The following ZNF804B variants were observed in gnomAD, a reference collection of about 807,000 sequenced individuals.
ZNF804B encodes zinc finger 804B.
In ZNF804B, 80 loss-of-function variants were observed where a neutral mutation model predicts 101.4. That is an observed-to-expected ratio of 0.79 (90% confidence interval 0.66 to 0.95). The LOEUF is 0.95. Among genes scored for constraint, ZNF804B ranks in the 40% least tolerant of loss-of-function variants. ZNF804B has a pLI of 0.00. For missense variants in ZNF804B, 1,673 were observed against 1,561.9 expected, an observed-to-expected ratio of 1.07 and a Z score of -1.20; for synonymous variants, 622 against 558.8, an observed-to-expected ratio of 1.11 and a Z score of -1.59.
chr7:89,141,204 T>C (rs1442934933), intron 1 of ZNF804B, among the ~76,000 whole-genome samples: 1 of 152,000 alleles, frequency 6.6e-6, no homozygotes, highest in African/African-American at 2.4e-5. Context: ...AGATCACTGA[T>C]TAAAGATCAC....
intron 1 of ZNF804B, among the ~76,000 whole-genome samples, chr7:89,044,219 C>T (rs923769499): frequency 2.2e-4 from 33 of 152,150 alleles, no homozygotes; most frequent in Non-Finnish European, 4.0e-4. Flanking sequence ...CTTTGCTCAA[C>T]ACTTCTTCCT....
chr7:89,121,617 G>T (rs1790407198), intron 1 of ZNF804B, among the ~76,000 whole-genome samples: 2 of 152,216 alleles, frequency 1.3e-5, no homozygotes, highest in South Asian at 4.1e-4. Context: ...AGTTATCATA[G>T]TAATGGATTA....
chr7:88,763,866 G>C (rs543684571), intron 1 of ZNF804B, among the ~76,000 whole-genome samples: 3 of 152,036 alleles, frequency 2.0e-5, no homozygotes, highest in Non-Finnish European at 4.4e-5. Context: ...TATATTAATG[G>C]TAAAACTTTG....
rs1791090281 is a variant in ZNF804B at position 89,336,351 on chromosome 7, G to A, written c.3369G>A (p.Gln1123=). 1 of 1,613,888 alleles carries A rather than the reference G, an allele frequency of 6.2e-7. No individual in the cohort carries two copies. The highest frequency in any genetic ancestry group is 1.1e-5 in the South Asian group (1 of 91,082). Residue 1123 remains glutamine (Q), a synonymous_variant, in exon 4 of 4, where the codon CAG becomes CAA. Coordinates refer to ENST00000333190, the MANE Select transcript of ZNF804B (RefSeq NM_181646.5). The part of the protein sequence containing the change: ...NINSYYDRTM[Q]KPDKVEDGLE... ...ACTCTTACTATGACAGAACTATGCAGAAACCTGACAAAGTCGAAGACGGAT... is the reference window on the plus strand; with the variant it reads ...ACTCTTACTATGACAGAACTATGCAAAAACCTGACAAAGTCGAAGACGGAT...
intron 1 of ZNF804B, among the ~76,000 whole-genome samples, chr7:89,016,936 G>A (rs6465176): frequency 0.84 from 128,038 of 152,188 alleles, 54,291 homozygotes; most frequent in African/African-American, 0.95. Context: ...CATTATGGCC[G>A]TTTTCACGAT....
intron 1 of ZNF804B, among the ~76,000 whole-genome samples, chr7:88,840,651 C>G (rs556587085): frequency 2.0e-5 from 3 of 151,900 alleles, no homozygotes; most frequent in African/African-American, 7.3e-5. Flanking sequence ...TTAACTTTTC[C>G]GGGATAGTTT....
intron 2 of ZNF804B, among the ~76,000 whole-genome samples, chr7:89,224,862 A>G (rs1789062171): frequency 1.3e-5 from 2 of 151,870 alleles, no homozygotes; most frequent in African/African-American, 2.4e-5. Context: ...TCCTGCTCCT[A>G]TTTAACTCTC....
At chr7:89,329,183 C>G (rs1790940580) in intron 3 of ZNF804B, among the ~76,000 whole-genome samples, 1 of 151,718 alleles carries the variant, frequency 6.6e-6, no homozygotes, top group Admixed American at 6.6e-5. Flanking sequence ...GGCAAACTCT[C>G]TAGGTCACAA....
intron 1 of ZNF804B, among the ~76,000 whole-genome samples, chr7:89,007,585 T>G (rs1408042927): frequency 8.1e-6 from 1 of 122,760 alleles, no homozygotes; most frequent in Admixed American, 8.9e-5. Context: ...ATAATATATA[T>G]TTATATATTA....
intron 1 of ZNF804B, among the ~76,000 whole-genome samples, chr7:88,909,791 T>C (rs1584011154): frequency 6.6e-6 from 1 of 151,798 alleles, no homozygotes; most frequent in East Asian, 1.9e-4. Context: ...TCCTTAGCAA[T>C]CAGTTTGTCT....
intron 1 of ZNF804B, among the ~76,000 whole-genome samples, chr7:88,854,279 G>A (rs1019793423): frequency 3.3e-5 from 5 of 151,980 alleles, no homozygotes; most frequent in Non-Finnish European, 7.4e-5. Context: ...TTAAGTCATC[G>A]TTTGGCTAAT....
chr7:88,829,259 T>A (rs950960482), intron 1 of ZNF804B, among the ~76,000 whole-genome samples: 6 of 152,032 alleles, frequency 3.9e-5, no homozygotes, highest in African/African-American at 1.4e-4. Context: ...CCTGAACATT[T>A]TTAATTTTTT....
intron 2 of ZNF804B, among the ~76,000 whole-genome samples, chr7:89,314,491 G>A (rs1790691370): frequency 6.6e-6 from 1 of 152,094 alleles, no homozygotes; most frequent in Non-Finnish European, 1.5e-5. Flanking sequence ...AGCATTCTTT[G>A]CACATCCTGC....
At chr7:89,151,214 C>T (rs556897051) in intron 1 of ZNF804B, among the ~76,000 whole-genome samples, 14 of 152,042 alleles carry the variant, frequency 9.2e-5, no homozygotes, top group Admixed American at 3.3e-4. Context: ...GACTCCTCTT[C>T]TAGCAATTTA....
At chr7:89,007,144 A>C (rs1389468899) in intron 1 of ZNF804B, among the ~76,000 whole-genome samples, 1 of 152,042 alleles carries the variant, frequency 6.6e-6, no homozygotes, top group Non-Finnish European at 1.5e-5. Context: ...GTCTTTGGGC[A>C]CAAGAAGTTG....
intron 1 of ZNF804B, among the ~76,000 whole-genome samples, chr7:89,143,671 T>C (rs576845706): frequency 3.2e-4 from 49 of 152,188 alleles, no homozygotes; most frequent in African/African-American, 1.1e-3. Flanking sequence ...TGTTTGTTCT[T>C]GCTTTAGTTT....
intron 1 of ZNF804B, among the ~76,000 whole-genome samples, chr7:88,824,132 A>G (rs1031186087): frequency 3.3e-5 from 5 of 152,318 alleles, no homozygotes; most frequent in East Asian, 1.9e-4. Context: ...TTCTGAGAGC[A>G]TTAGAAAAGA....
intron 1 of ZNF804B, among the ~76,000 whole-genome samples, chr7:89,191,048 T>G (rs1206601827): frequency 6.6e-6 from 1 of 152,128 alleles, no homozygotes; most frequent in African/African-American, 2.4e-5. Flanking sequence ...CAATGATATC[T>G]CCGAGTTCTG....
chr7:89,219,608 A>G (rs1031346342), intron 2 of ZNF804B, among the ~76,000 whole-genome samples: 2 of 151,594 alleles, frequency 1.3e-5, no homozygotes, highest in East Asian at 3.9e-4. Flanking sequence ...GTATGGCGAT[A>G]CTGGCAATTT....
Sources: gnomAD v4.1 joint callset for allele counts (sites outside exome capture counted in the v4.1 genomes callset) on GRCh38, gnomAD v4.1.1 for gene constraint, MANE v1.5 for transcripts, NCBI Gene and HGNC (gene_info 2026-07-23, HGNC 2026-07-21) for gene names.